The following TTC3 variants were observed in gnomAD, a reference collection of about 807,000 sequenced individuals.
TTC3 encodes the protein E3 ubiquitin-protein ligase TTC3.
Under a neutral mutation model 249.6 loss-of-function variants are expected in TTC3, and 180 were observed. The observed-to-expected ratio is 0.72, with a 90% CI of 0.64 to 0.82. TTC3 has a LOEUF of 0.82. TTC3 is among the 40% of genes least tolerant of loss of function. The pLI, the probability that TTC3 is intolerant of heterozygous loss-of-function variation, is 0.00. For missense variants in TTC3, 2,061 were observed against 2,398.4 expected (o/e 0.86, Z 2.94); for synonymous variants, 717 against 805.0 (o/e 0.89, Z 1.85).
At chr21:37,082,479 A>G (rs1019211573) in intron 1 of TTC3, 2 of 985,296 alleles carry the variant, frequency 2.0e-6, no homozygotes, top group Admixed American at 6.1e-5. Flanking sequence ...AAGCATTTCT[A>G]TCAGCTTTGT....
chr21:37,129,118 A>G (rs987622003), intron 16 of TTC3, 55 bp downstream of exon 16: 11 of 1,330,732 alleles, frequency 8.3e-6, no homozygotes, highest in Middle Eastern at 1.9e-4. Flanking sequence ...CTTCCCAAGA[A>G]AAAGGAAAAA....
intron 35 of TTC3, among the ~76,000 whole-genome samples, chr21:37,173,169 A>G (rs2081955907): frequency 6.6e-6 from 1 of 152,102 alleles, no homozygotes; most frequent in South Asian, 2.1e-4. Context: ...AATTTACTTA[A>G]CTTCTCTGTG....
chr21:37,137,031 G>GTA (rs1159970951), intron 18 of TTC3, among the ~76,000 whole-genome samples: 1 of 152,204 alleles, frequency 6.6e-6, no homozygotes, highest in African/African-American at 2.4e-5. Flanking sequence ...GGTTTACTAA[G>GTA]TACTTTAAGC....
At chr21:37,111,917 A>G (rs569440371) in intron 11 of TTC3, among the ~76,000 whole-genome samples, 2 of 150,976 alleles carry the variant, frequency 1.3e-5, no homozygotes, top group East Asian at 3.9e-4. Context: ...GCTCAACTAC[A>G]TGGAAACTGA....
At chr21:37,113,769 C>G (rs1438504636) in intron 11 of TTC3, among the ~76,000 whole-genome samples, 1 of 152,094 alleles carries the variant, frequency 6.6e-6, no homozygotes, top group Non-Finnish European at 1.5e-5. Flanking sequence ...AGGCATCATG[C>G]TTACCTGACT....
intron 1 of TTC3, among the ~76,000 whole-genome samples, 176 bp downstream of exon 1, chr21:37,073,649 T>C (rs1000440649): frequency 5.9e-5 from 9 of 151,696 alleles, no homozygotes; most frequent in African/African-American, 1.9e-4. Context: ...GGTGCGAGGG[T>C]GTGAGTAGTC....
chr21:37,143,474 C>T (rs1316133248), intron 20 of TTC3, among the ~76,000 whole-genome samples: 1 of 151,984 alleles, frequency 6.6e-6, no homozygotes, highest in African/African-American at 2.4e-5. Context: ...TTTATGCAGC[C>T]AACAGACACA....
intron 10 of TTC3, among the ~76,000 whole-genome samples, chr21:37,103,963 T>A (rs1031267797): frequency 5.3e-5 from 8 of 152,026 alleles, no homozygotes; most frequent in African/African-American, 1.9e-4. Context: ...AAAAAAAAAT[T>A]TGAGCATAGT....
At chr21:37,169,026 G>C (rs148198134) in intron 34 of TTC3, among the ~76,000 whole-genome samples, 2 of 152,224 alleles carry the variant, frequency 1.3e-5, no homozygotes, top group African/African-American at 4.8e-5. Context: ...GCTTTTCCCA[G>C]AGTGTGTGAT....
exon 46 of TTC3, chr21:37,201,750 T>G: frequency 2.5e-6 from 2 of 812,730 alleles, no homozygotes; most frequent in Non-Finnish European, 3.7e-6. Flanking sequence ...TCTGAGTGAA[T>G]ACTTTGATGA....
chr21:37,178,870 G>C (rs2082494879), intron 35 of TTC3, among the ~76,000 whole-genome samples: 1 of 152,094 alleles, frequency 6.6e-6, no homozygotes, highest in Non-Finnish European at 1.5e-5. Context: ...TGAGCTGAGA[G>C]GGTCACTTGA....
chr21:37,163,771 CT>C (rs768419219), intron 31 of TTC3, among the ~76,000 whole-genome samples: 2 of 152,172 alleles, frequency 1.3e-5, no homozygotes, highest in Admixed American at 6.5e-5. Context: ...ATTAATGCAA[CT>C]TTTTTTAAAA....
Position 37,191,073 on chromosome 21 carries a change from G to A in TTC3, c.5025-261G>A, listed in dbSNP as rs191371213. Among the ~76,000 whole-genome samples the A allele has an allele frequency of 4.3e-3, 652 of 152,240 alleles. 3 individuals carry two copies. Among genetic ancestry groups the A allele is most frequent in the Non-Finnish European group, 7.2e-3 (490 of 68,006 alleles). On this transcript the variant is annotated intron_variant, in intron 39 of 45. Transcript: ENST00000355666. ...GAAGAACGGTCAAACTTTCAAATTT[G>A]GGAAAAGAACTTAAAATTCAGGAGA...
chr21:37,154,642 A>T (rs2079820614), intron 27 of TTC3, among the ~76,000 whole-genome samples: 1 of 152,142 alleles, frequency 6.6e-6, no homozygotes, highest in Non-Finnish European at 1.5e-5. Flanking sequence ...CCTCCAGCTC[A>T]CTGGCAGGAA....
intron 42 of TTC3, 120 bp downstream of exon 42, chr21:37,196,156 C>A: frequency 3.1e-6 from 4 of 1,286,410 alleles, no homozygotes; most frequent in South Asian, 3.3e-5. Flanking sequence ...TTGTTTTGCT[C>A]AGAAAGACAG....
chr21:37,164,056 G>A (rs779366694), exon 32 of TTC3: 19 of 1,598,186 alleles, frequency 1.2e-5, no homozygotes, highest in Middle Eastern at 2.2e-4. Flanking sequence ...ACCAGCAATC[G>A]AAATTCAGAT....
intron 38 of TTC3, among the ~76,000 whole-genome samples, chr21:37,187,405 T>G (rs1386857871): frequency 6.6e-6 from 1 of 152,230 alleles, no homozygotes; most frequent in East Asian, 1.9e-4. Flanking sequence ...TATTTACCAT[T>G]ATAATTCAGC....
intron 18 of TTC3, 150 bp downstream of exon 18, chr21:37,135,664 T>A (rs377575968): frequency 6.8e-6 from 6 of 883,026 alleles, no homozygotes; most frequent in East Asian, 5.4e-5. Flanking sequence ...AAGCAGGTAC[T>A]GCTCCAATTC....
At chr21:37,082,033 T>A (rs1273654309) in intron 1 of TTC3, 4 of 151,722 alleles carry the variant, frequency 2.6e-5, no homozygotes, top group Admixed American at 2.0e-4. Context: ...CCCGGCTAAT[T>A]TTTTTGTATT....
Sources: gnomAD v4.1 joint callset for allele counts (sites outside exome capture counted in the v4.1 genomes callset) on GRCh38, gnomAD v4.1.1 for gene constraint, MANE v1.5 for transcripts, NCBI Gene and HGNC (gene_info 2026-07-23, HGNC 2026-07-21) for gene names.